Variants in NFYC observed in about 807,000 individuals in gnomAD.
NFYC encodes nuclear transcription factor Y subunit gamma.
NFYC carries 25 observed loss-of-function variants against 53.1 expected under a neutral mutation model. That is an observed-to-expected ratio of 0.47 (90% CI 0.34 to 0.66). The LOEUF (loss-of-function observed/expected upper bound fraction) is 0.66, where lower values mean the gene tolerates loss of function less well. Among genes scored for constraint, NFYC ranks in the 30% least tolerant of loss-of-function variants. NFYC has a pLI of 0.01. For missense variants in NFYC, 260 were observed against 422.7 expected (o/e 0.62, Z 3.38); for synonymous variants, 145 against 152.6 (o/e 0.95, Z 0.37).
intron 1 of NFYC, among the ~76,000 whole-genome samples, chr1:40,706,083 T>C (rs1334569518): frequency 1.3e-5 from 2 of 151,862 alleles, no homozygotes; most frequent in Non-Finnish European, 2.9e-5. Flanking sequence ...AGTTGGATAA[T>C]GGTTTATGCT....
intron 5 of NFYC, 98 bp downstream of exon 5, chr1:40,753,344 T>A: frequency 1.3e-6 from 1 of 753,270 alleles, no homozygotes; most frequent in Non-Finnish European, 2.2e-6. Flanking sequence ...TCATTTGCTA[T>A]TCCTTTTGCT....
chr1:40,739,803 TAAGTA>T (rs1464338024), intron 2 of NFYC, among the ~76,000 whole-genome samples: 12 of 152,194 alleles, frequency 7.9e-5, no homozygotes, highest in African/African-American at 1.4e-4. Flanking sequence ...TGGTTGAGTT[TAAGTA>T]AAGGGAACAT....
rs1318683657 is a variant in NFYC at position 40,715,626 on chromosome 1, CTCTTA to C, written c.-8-23205_-8-23201del. 3.9e-5 allele frequency among the ~76,000 whole-genome samples: 6 copies of C among 152,258 alleles called. No homozygotes were observed. In the East Asian group the frequency reaches 1.2e-3, roughly 29 times the overall value. On this transcript the variant is annotated intron_variant, in intron 1 of 9. Transcript: ENST00000447388. ...TGGTCAGATTCTATTTGTATTATCACTCTTATCTTCTTGTCTCTCCCTTAGGGATC... is the reference window on the plus strand; with the variant it reads ...TGGTCAGATTCTATTTGTATTATCACTCTTCTTGTCTCTCCCTTAGGGATC...
intron 1 of NFYC, among the ~76,000 whole-genome samples, chr1:40,728,792 C>A (rs1644636062): frequency 6.6e-6 from 1 of 152,076 alleles, no homozygotes; most frequent in East Asian, 2.0e-4. Context: ...TGCCCGCCAC[C>A]ACGCCGAGCT....
At chr1:40,733,008 GCC>G (rs749788691) in intron 1 of NFYC, among the ~76,000 whole-genome samples, 9 of 53,344 alleles carry the variant, frequency 1.7e-4, no homozygotes, top group Non-Finnish European at 2.5e-4. Context: ...TCCAAGATTC[GCC>G]CCCCCCCCCT....
intron 1 of NFYC, among the ~76,000 whole-genome samples, chr1:40,703,601 C>T (rs1643551974): frequency 6.6e-6 from 1 of 151,930 alleles, no homozygotes; most frequent in Non-Finnish European, 1.5e-5. Flanking sequence ...TGCCAGTTTT[C>T]CTCAATCCCT....
At chr1:40,722,539 T>C (rs935053914) in intron 1 of NFYC, among the ~76,000 whole-genome samples, 1 of 152,256 alleles carries the variant, frequency 6.6e-6, no homozygotes, top group African/African-American at 2.4e-5. Flanking sequence ...GTACTGTATC[T>C]GGGACTCTTC....
intron 1 of NFYC, among the ~76,000 whole-genome samples, chr1:40,696,166 G>C (rs1246225704): frequency 6.6e-6 from 1 of 151,916 alleles, no homozygotes; most frequent in Admixed American, 6.6e-5. Flanking sequence ...TGGGATTATA[G>C]ACGCCCGCCA....
At position 40,703,480 on chromosome 1, in the gene NFYC, T is replaced by TAA. The variant is rs57102599; in HGVS notation, c.-9+11626_-9+11627dup. 5.1e-4 allele frequency among the ~76,000 whole-genome samples: 50 copies of TAA among 97,752 alleles called. 2 individuals carry two copies. The highest frequency in any genetic ancestry group is 9.5e-4 in the South Asian group (3 of 3,164). 64.1% of individuals were successfully genotyped at this position (97,752 alleles called of 152,430 possible). ...GTACTCCAGCCTGGGCAATTAGCCCTAAAAAAAAAAAAAAGAATATGAAGC... is the reference window on the plus strand; with the variant it reads ...GTACTCCAGCCTGGGCAATTAGCCCTAAAAAAAAAAAAAAAAGAATATGAAGC... On this transcript the variant is annotated intron_variant, in intron 1 of 9. Coordinates refer to ENST00000447388, the MANE Select transcript of NFYC (RefSeq NM_014223.5).
intron 1 of NFYC, among the ~76,000 whole-genome samples, chr1:40,697,052 T>G (rs1643186305): frequency 6.6e-6 from 1 of 152,238 alleles, no homozygotes. Context: ...AGGGAAGAGT[T>G]CTGTCTCTGC....
chr1:40,707,495 G>A (rs72659562), intron 1 of NFYC, among the ~76,000 whole-genome samples: 16 of 19,998 alleles, frequency 8.0e-4, no homozygotes, highest in South Asian at 1.9e-3. Context: ...AAAAAAAAAA[G>A]AGAGAGAGAG....
chr1:40,765,526 A>G (rs1044622326), intron 7 of NFYC, among the ~76,000 whole-genome samples: 1 of 152,186 alleles, frequency 6.6e-6, no homozygotes, highest in Non-Finnish European at 1.5e-5. Flanking sequence ...GGCCAGAGGG[A>G]AATTTGCTCC....
At chr1:40,769,703 T>G (rs1399948229) in intron 9 of NFYC, among the ~76,000 whole-genome samples, 1 of 152,150 alleles carries the variant, frequency 6.6e-6, no homozygotes, top group Non-Finnish European at 1.5e-5. Context: ...CCCCTAGATG[T>G]TCATTGCAGA....
chr1:40,750,756 C>A (rs1179082962), intron 4 of NFYC, among the ~76,000 whole-genome samples: 1 of 152,092 alleles, frequency 6.6e-6, no homozygotes, highest in Non-Finnish European at 1.5e-5. Flanking sequence ...CTTGGACAGA[C>A]CTTCAGAAAA....
chr1:40,720,256 A>G (rs1644280834), intron 1 of NFYC, among the ~76,000 whole-genome samples: 1 of 152,200 alleles, frequency 6.6e-6, no homozygotes, highest in Non-Finnish European at 1.5e-5. Context: ...AATACAGCCA[A>G]GCTCATATTG....
intron 1 of NFYC, among the ~76,000 whole-genome samples, chr1:40,737,901 CTTTT>C (rs530348029): frequency 1.2e-4 from 15 of 123,116 alleles, no homozygotes; most frequent in Non-Finnish European, 1.0e-4. Flanking sequence ...TGCTCTCTCT[CTTTT>C]TTTTTTTTTT....
chr1:40,699,982 G>C (rs577856468), intron 1 of NFYC, among the ~76,000 whole-genome samples: 1 of 152,312 alleles, frequency 6.6e-6, no homozygotes, highest in Non-Finnish European at 1.5e-5. Context: ...CTTGGTCATG[G>C]ACCGCTGTTT....
chr1:40,709,552 G>C (rs1200587287), intron 1 of NFYC: 1 of 152,204 alleles, frequency 6.6e-6, no homozygotes. Flanking sequence ...AGGGATAGGA[G>C]TGACTTAAAT....
chr1:40,724,048 T>A (rs1337481664), intron 1 of NFYC, among the ~76,000 whole-genome samples: 1 of 152,178 alleles, frequency 6.6e-6, no homozygotes. Context: ...ACTCTTCAAC[T>A]CTACTGTTTA....
Sources: gnomAD v4.1 joint callset for allele counts (sites outside exome capture counted in the v4.1 genomes callset) on GRCh38, gnomAD v4.1.1 for gene constraint, MANE v1.5 for transcripts, NCBI Gene and HGNC (gene_info 2026-07-23, HGNC 2026-07-21) for gene names.